The following LINC00305 variants were observed in gnomAD, a reference collection of about 807,000 sequenced individuals.
The protein encoded by LINC00305 is long independently transcribed non-coding RNA 305, also known as long intergenic non-protein coding RNA 305.
intron 1 of LINC00305, among the ~76,000 whole-genome samples, chr18:64,136,523 C>A (rs1347581237): frequency 6.6e-6 from 1 of 152,160 alleles, no homozygotes; most frequent in African/African-American, 2.4e-5. Flanking sequence ...GTGAGAACAG[C>A]ATGGGGCAAA....
exon 1 of LINC00305, chr18:64,149,052 T>C (rs2051512333): frequency 6.6e-6 from 1 of 152,254 alleles, no homozygotes. Flanking sequence ...CAGGTGGGCT[T>C]CAGATGGCTG....
At chr18:64,146,610 C>A (rs1339637872) in intron 1 of LINC00305, among the ~76,000 whole-genome samples, 2 of 152,206 alleles carry the variant, frequency 1.3e-5, no homozygotes, top group African/African-American at 4.8e-5. Context: ...ACCAGCGGGG[C>A]TTCTGTGGGC....
At chr18:64,081,147 A>AT (rs1207030538) in intron 3 of LINC00305, among the ~76,000 whole-genome samples, 15 of 152,172 alleles carry the variant, frequency 9.9e-5, no homozygotes, top group South Asian at 2.1e-4. Context: ...CCAAATAGCT[A>AT]TTTTTTTATA....
At chr18:64,107,427 A>G (rs2051295901) in intron 1 of LINC00305, among the ~76,000 whole-genome samples, 1 of 152,226 alleles carries the variant, frequency 6.6e-6, no homozygotes, top group African/African-American at 2.4e-5. Context: ...TCGAGGAAAG[A>G]GAAAAATTGA....
At chr18:64,132,431 T>G (rs770372507) in intron 1 of LINC00305, among the ~76,000 whole-genome samples, 3 of 152,230 alleles carry the variant, frequency 2.0e-5, no homozygotes, top group Non-Finnish European at 4.4e-5. Context: ...TTTGCACATA[T>G]TCAATAATGA....
intron 1 of LINC00305, among the ~76,000 whole-genome samples, chr18:64,101,898 C>T (rs994740221): frequency 2.0e-5 from 3 of 151,814 alleles, no homozygotes; most frequent in Non-Finnish European, 4.4e-5. Context: ...ATGAATATGG[C>T]TGCTTGAATG....
chr18:64,137,910 C>A (rs1356361787), intron 1 of LINC00305, among the ~76,000 whole-genome samples: 4 of 151,948 alleles, frequency 2.6e-5, no homozygotes, highest in Non-Finnish European at 5.9e-5. Context: ...CCACCCCCAC[C>A]CTTTTTAGGA....
intron 1 of LINC00305, among the ~76,000 whole-genome samples, chr18:64,122,410 C>G (rs1201090489): frequency 6.6e-6 from 1 of 151,982 alleles, no homozygotes; most frequent in African/African-American, 2.4e-5. Context: ...ATATGATGAT[C>G]CAATTTTCCC....
At chr18:64,139,521 C>T (rs2051451163) in intron 1 of LINC00305, 2 of 152,210 alleles carry the variant, frequency 1.3e-5, no homozygotes, top group Admixed American at 1.3e-4. Flanking sequence ...CCAGCATTGT[C>T]TGAAGCGTAC....
chr18:64,148,682 A>G (rs1163605719), intron 1 of LINC00305: 1 of 152,208 alleles, frequency 6.6e-6, no homozygotes, highest in East Asian at 1.9e-4. Flanking sequence ...GAGGTTTTCT[A>G]CATACAGTGG....
At chr18:64,108,296 G>A (rs2051300050) in intron 1 of LINC00305, among the ~76,000 whole-genome samples, 1 of 152,198 alleles carries the variant, frequency 6.6e-6, no homozygotes. Context: ...AGGATGGCTT[G>A]GGGTGCTTGG....
chr18:64,103,587 A>G (rs1237128974), intron 1 of LINC00305, among the ~76,000 whole-genome samples: 1 of 152,114 alleles, frequency 6.6e-6, no homozygotes, highest in East Asian at 1.9e-4. Context: ...GCATGTCTTT[A>G]TCTTAGTCAT....
intron 1 of LINC00305, among the ~76,000 whole-genome samples, chr18:64,111,333 C>T (rs1162850680): frequency 1.3e-5 from 2 of 152,002 alleles, no homozygotes; most frequent in South Asian, 2.1e-4. Context: ...AATCTCTTGG[C>T]GGAGAGGATT....
At position 64,121,135 on chromosome 18, in the gene LINC00305, T is replaced by A. The variant is rs139801347; in HGVS notation, n.315-22495A>T. ...ACAAAAATTACTTTGAATAGCTGTG[T>A]GTGATCATTTTAAACAAAGCAAATC... On this transcript the variant is annotated intron_variant and non_coding_transcript_variant, in intron 1 of 3. Transcript: ENST00000666468. Among the ~76,000 whole-genome samples, 392 of 152,304 alleles carry A rather than the reference T, an allele frequency of 2.6e-3. 5 individuals are homozygous for A. The highest frequency in any genetic ancestry group is 4.2e-3 in the Non-Finnish European group (286 of 68,004).
chr18:64,148,820 T>A (rs2051511120), exon 1 of LINC00305: 1 of 152,296 alleles, frequency 6.6e-6, no homozygotes, highest in Non-Finnish European at 1.5e-5. Context: ...AATCTTAGGC[T>A]TTCAGGATGC....
At chr18:64,124,287 C>G (rs2051375312) in intron 1 of LINC00305, among the ~76,000 whole-genome samples, 1 of 152,088 alleles carries the variant, frequency 6.6e-6, no homozygotes, top group African/African-American at 2.4e-5. Flanking sequence ...GAATGGCCAG[C>G]CTGCAGTTCT....
intron 1 of LINC00305, among the ~76,000 whole-genome samples, chr18:64,143,788 ATAT>A (rs1056703844): frequency 8.1e-5 from 8 of 99,252 alleles, no homozygotes; most frequent in Admixed American, 3.4e-4. Context: ...GTATGTACAC[ATAT>A]TATGCGTACA....
chr18:64,095,998 G>A (rs902247482), intron 3 of LINC00305, among the ~76,000 whole-genome samples: 1 of 151,908 alleles, frequency 6.6e-6, no homozygotes, highest in Admixed American at 6.6e-5. Context: ...AAAAATGCTA[G>A]AAGAATTCTC....
At chr18:64,138,934 G>A (rs1649451762) in intron 1 of LINC00305, among the ~76,000 whole-genome samples, 1 of 152,084 alleles carries the variant, frequency 6.6e-6, no homozygotes, top group African/African-American at 2.4e-5. Context: ...GTATGTGCGG[G>A]GCACAGCCGA....
Sources: allele counts gnomAD v4.1 joint callset (sites outside exome capture counted in the v4.1 genomes callset), GRCh38; gene constraint gnomAD v4.1.1; transcripts MANE v1.5; gene names NCBI Gene and HGNC (gene_info 2026-07-23, HGNC 2026-07-21).